WSCD2: variants seen among roughly 807,000 people sequenced by gnomAD.
WSCD2 encodes the protein sialate:O-sulfotransferase 2.
Under a neutral mutation model 55.7 loss-of-function variants are expected in WSCD2, and 28 were observed. The observed-to-expected ratio is 0.50, with a 90% CI of 0.37 to 0.69. The LOEUF (loss-of-function observed/expected upper bound fraction) is 0.69. WSCD2 is among the 30% of genes least tolerant of loss of function. The pLI is 0.00. For synonymous variants in WSCD2, 301 were observed against 301.9 expected (o/e 1.00, Z 0.03); for missense variants, 616 against 762.1 (o/e 0.81, Z 2.26).
chr12:108,164,056 C>A (rs1286698270), intron 1 of WSCD2, among the ~76,000 whole-genome samples: 2 of 150,442 alleles, frequency 1.3e-5, no homozygotes, highest in Non-Finnish European at 3.0e-5. Flanking sequence ...TTCTCTACAG[C>A]CCAGGACCCA....
chr12:108,136,746 G>C (rs7976418), intron 1 of WSCD2, among the ~76,000 whole-genome samples: 34,564 of 150,886 alleles, frequency 0.23, 4,149 homozygotes, highest in African/African-American at 0.29. Flanking sequence ...TACTCCTCCC[G>C]CTGCCTCCCC....
At chr12:108,140,113 C>T (rs1337770051) in intron 1 of WSCD2, among the ~76,000 whole-genome samples, 1 of 152,176 alleles carries the variant, frequency 6.6e-6, no homozygotes, top group Non-Finnish European at 1.5e-5. Flanking sequence ...ATGATGGCAT[C>T]ATCCCGAGTC....
chr12:108,201,156 G>A (rs1884618468), intron 2 of WSCD2, among the ~76,000 whole-genome samples: 1 of 152,118 alleles, frequency 6.6e-6, no homozygotes, highest in African/African-American at 2.4e-5. Flanking sequence ...TCACAGTTCT[G>A]GAGGCCAGAA....
At chr12:108,170,881 A>T (rs750328091) in intron 1 of WSCD2, among the ~76,000 whole-genome samples, 1 of 152,184 alleles carries the variant, frequency 6.6e-6, no homozygotes, top group Non-Finnish European at 1.5e-5. Context: ...GGGCTTGCAG[A>T]AGCTGTTTTA....
Position 108,210,564 on chromosome 12 carries a change from G to T in WSCD2, c.682+259G>T, listed in dbSNP as rs1481006150. Among the ~76,000 whole-genome samples, 1 of 152,138 alleles carries T rather than the reference G, an allele frequency of 6.6e-6. No homozygotes were observed. The highest frequency in any genetic ancestry group is 2.4e-5 in the African/African-American group (1 of 41,416). On this transcript the variant is annotated intron_variant, in intron 4 of 8. Coordinates refer to ENST00000547525, the MANE Select transcript of WSCD2 (RefSeq NM_014653.4). The surrounding 1 kb of genome is among the most constrained non-coding windows in gnomAD (Gnocchi z 4.3). ...CCAGCTGTATCCCTCATTCTCACCA[G>T]TCTTCCTCCTTCTGAAACTGAGTTG...
At chr12:108,134,791 A>C (rs1229067916) in intron 1 of WSCD2, among the ~76,000 whole-genome samples, 1 of 152,168 alleles carries the variant, frequency 6.6e-6, no homozygotes, top group Non-Finnish European at 1.5e-5. Context: ...TACCATATAC[A>C]AAGTGTTTAC....
At chr12:108,233,073 C>A (rs1441628309) in intron 7 of WSCD2, 178 bp downstream of exon 7, 2 of 754,728 alleles carry the variant, frequency 2.6e-6, no homozygotes, top group Non-Finnish European at 4.1e-6. Context: ...TTATGCCCCA[C>A]AAACATTTCT....
At chr12:108,166,771 TTCTTTCTTTCTTTCTTTCTG>T (rs1347657350) in intron 1 of WSCD2, among the ~76,000 whole-genome samples, 4 of 148,674 alleles carry the variant, frequency 2.7e-5, no homozygotes, top group East Asian at 1.9e-4. Flanking sequence ...TTTTCTTTCT[TTCTTTCTTTCTTTCTTTCTG>T]TCTTTCTTTC....
rs1179681581 is a variant in WSCD2, at chr12:108,195,901, G to T, written c.69G>T (p.Leu23=). The change falls in exon 2 of 9, where the codon CTG becomes CTT. Residue 23 remains leucine, a synonymous_variant. Transcript: ENST00000547525. ...RRKPVRFFTF[L]ALYLTAGSLV... is the part of the protein sequence containing the mutation. ...AACCTGTGCGCTTCTTTACCTTCCT[G>T]GCACTCTACCTGACTGCTGGGAGCC... is the stretch of plus-strand genomic sequence containing the variant. 6.2e-7 allele frequency: 1 copy of T among 1,614,112 alleles called. No individual in the cohort carries two copies.
intron 7 of WSCD2, among the ~76,000 whole-genome samples, chr12:108,238,743 G>T (rs1045466256): frequency 6.6e-6 from 1 of 152,154 alleles, no homozygotes; most frequent in Non-Finnish European, 1.5e-5. Flanking sequence ...TATCTTGAAG[G>T]CTTACTACAA....
At chr12:108,233,638 C>G (rs1402407913) in intron 7 of WSCD2, among the ~76,000 whole-genome samples, 1 of 150,190 alleles carries the variant, frequency 6.7e-6, no homozygotes, top group African/African-American at 2.4e-5. Context: ...ATAACTTGCC[C>G]AAAGTCACAC....
chr12:108,247,011 TTTG>T (rs1254000017), intron 8 of WSCD2, among the ~76,000 whole-genome samples: 4 of 152,170 alleles, frequency 2.6e-5, no homozygotes, highest in Non-Finnish European at 5.9e-5. Flanking sequence ...TGCTAGAAAC[TTTG>T]TTATATGTTT....
In WSCD2 at chr12:108,196,036, T is replaced by A; in HGVS notation, c.204T>A (p.Gly68=). Residue 68 remains glycine (G), a synonymous_variant, in exon 2 of 9, where the codon GGT becomes GGA. Coordinates refer to ENST00000547525, the MANE Select transcript of WSCD2 (RefSeq NM_014653.4). The part of the protein sequence containing the change: ...PAEGAELSFL[G]DMHLGRGFRD... ...AGGGTGCTGAGCTGTCCTTCTTGGG[T>A]GACATGCATCTGGGCAGAGGTTTCC... 1.2e-6 allele frequency: 2 copies of A among 1,614,110 alleles called. No homozygotes were observed. The highest frequency in any genetic ancestry group is 1.7e-6 in the Non-Finnish European group (2 of 1,180,010).
At chr12:108,237,858 A>G (rs919097502) in intron 7 of WSCD2, among the ~76,000 whole-genome samples, 5 of 152,234 alleles carry the variant, frequency 3.3e-5, no homozygotes, top group Non-Finnish European at 5.9e-5. Context: ...TCATGAACAA[A>G]TAGAAATATT....
chr12:108,238,775 A>C (rs1467895369), intron 7 of WSCD2, among the ~76,000 whole-genome samples: 1 of 152,214 alleles, frequency 6.6e-6, no homozygotes, highest in East Asian at 1.9e-4. Flanking sequence ...CCTGGCCTTA[A>C]TACCATATCC....
chr12:108,141,761 G>A (rs1393571891), intron 1 of WSCD2, among the ~76,000 whole-genome samples: 1 of 152,152 alleles, frequency 6.6e-6, no homozygotes, highest in Non-Finnish European at 1.5e-5. Context: ...TGGGGTCGGG[G>A]AGCTGGTATA....
chr12:108,174,505 G>A (rs573588747), intron 1 of WSCD2, among the ~76,000 whole-genome samples: 124 of 152,330 alleles, frequency 8.1e-4, no homozygotes, highest in African/African-American at 2.9e-3. Flanking sequence ...AGAGTCTGAT[G>A]TCATTGCTGG....
At chr12:108,235,806 A>G (rs1889209206) in intron 7 of WSCD2, among the ~76,000 whole-genome samples, 1 of 152,074 alleles carries the variant, frequency 6.6e-6, no homozygotes, top group African/African-American at 2.4e-5. Flanking sequence ...TAGGAGCTTT[A>G]AAATCCTTCC....
intron 1 of WSCD2, among the ~76,000 whole-genome samples, chr12:108,136,602 G>A (rs1232101802): frequency 1.3e-5 from 2 of 152,132 alleles, no homozygotes; most frequent in African/African-American, 4.8e-5. Flanking sequence ...AGTCCTGTGA[G>A]TTAAGGGACC....
Sources: allele counts gnomAD v4.1 joint callset (sites outside exome capture counted in the v4.1 genomes callset), GRCh38; gene constraint gnomAD v4.1.1; non-coding constraint Gnocchi (gnomAD v3.1); transcripts MANE v1.5; gene names NCBI Gene and HGNC (gene_info 2026-07-23, HGNC 2026-07-21).